Variants in PATJ observed in about 807,000 individuals in gnomAD.
PATJ encodes inaD-like protein.
Under a neutral mutation model 224.9 loss-of-function variants are expected in PATJ, and 190 were observed. The observed-to-expected ratio is 0.84, with a 90% CI of 0.75 to 0.95. PATJ has a LOEUF of 0.95. PATJ is among the 40% of genes least tolerant of loss of function. PATJ has a pLI of 0.00. For synonymous variants in PATJ, 769 were observed against 820.3 expected, an observed-to-expected ratio of 0.94 and a Z score of 1.07; for missense variants, 2,121 against 2,270.3, an observed-to-expected ratio of 0.93 and a Z score of 1.34.
At chr1:62,068,594 A>C in intron 31 of PATJ, among the ~76,000 whole-genome samples, 1 of 152,218 alleles carries the variant, frequency 6.6e-6, no homozygotes, top group Admixed American at 6.5e-5. Flanking sequence ...CCCTTGGACC[A>C]GTTACTGTGG....
At chr1:62,150,679 GAAAAAAAAAA>G (rs56167585) in intron 42 of PATJ, among the ~76,000 whole-genome samples, 41 of 82,008 alleles carry the variant, frequency 5.0e-4, no homozygotes, top group Non-Finnish European at 6.1e-4. Context: ...CCTGTCTCAA[GAAAAAAAAAA>G]AAAAAAAAAA....
At chr1:61,778,256 T>A (rs981007064) in intron 7 of PATJ, among the ~76,000 whole-genome samples, 4 of 152,132 alleles carry the variant, frequency 2.6e-5, no homozygotes, top group Admixed American at 2.6e-4. Flanking sequence ...CCTGAAGCGA[T>A]CTTCCTGCTT....
intron 20 of PATJ, among the ~76,000 whole-genome samples, chr1:61,873,907 G>T (rs1158265278): frequency 6.6e-6 from 1 of 152,184 alleles, no homozygotes; most frequent in Non-Finnish European, 1.5e-5. Flanking sequence ...GGGTGGCCCA[G>T]GTATTCAATT....
chr1:62,039,225 G>A (rs1490488584), intron 30 of PATJ: 3 of 390,930 alleles, frequency 7.7e-6, no homozygotes, highest in East Asian at 1.1e-4. Context: ...AATGTGCAGT[G>A]GGCACTTTTC....
intron 33 of PATJ, among the ~76,000 whole-genome samples, chr1:62,104,843 T>C (rs1471906709): frequency 6.6e-6 from 1 of 152,052 alleles, no homozygotes; most frequent in Non-Finnish European, 1.5e-5. Context: ...GGCTAATTTT[T>C]GTATTTTTAG....
At chr1:62,008,063 G>A (rs1410208269) in intron 28 of PATJ, among the ~76,000 whole-genome samples, 1 of 152,194 alleles carries the variant, frequency 6.6e-6, no homozygotes, top group Admixed American at 6.5e-5. Context: ...CCCTTCATCT[G>A]TGTGGCAGAA....
chr1:61,753,832 TTTATC>T (rs1645468183), intron 1 of PATJ, among the ~76,000 whole-genome samples: 1 of 151,044 alleles, frequency 6.6e-6, no homozygotes, highest in African/African-American at 2.4e-5. Flanking sequence ...TTATTAAGTT[TTTATC>T]TTAATCAGAT....
intron 38 of PATJ, 122 bp downstream of exon 38, chr1:62,121,417 C>T (rs1570689024): frequency 4.6e-6 from 3 of 656,376 alleles, no homozygotes; most frequent in African/African-American, 3.7e-5. Flanking sequence ...AGCTTGGCCA[C>T]ATAAGCTGAG....
At chr1:62,066,899 GGCCACAGGATCAGTTGAATCATGA>G (rs1230414177) in intron 31 of PATJ, among the ~76,000 whole-genome samples, 3 of 151,916 alleles carry the variant, frequency 2.0e-5, no homozygotes, top group Non-Finnish European at 4.4e-5. Flanking sequence ...CTCTGGGTGG[GGCCACAGGATCAGTTGAATCATGA>G]GTCACAAGTC....
At chr1:62,157,662 C>T (rs967622436) in intron 43 of PATJ, among the ~76,000 whole-genome samples, 1 of 147,968 alleles carries the variant, frequency 6.8e-6, no homozygotes, top group African/African-American at 2.4e-5. Flanking sequence ...AAAACCCCAT[C>T]TCTACAAAAT....
At chr1:62,159,955 C>T (rs1192756789) in intron 43 of PATJ, among the ~76,000 whole-genome samples, 1 of 152,092 alleles carries the variant, frequency 6.6e-6, no homozygotes, top group East Asian at 1.9e-4. Flanking sequence ...CACATGGACA[C>T]AGATCTCAGG....
intron 28 of PATJ, among the ~76,000 whole-genome samples, chr1:62,014,710 G>A (rs961813619): frequency 1.3e-5 from 2 of 151,632 alleles, no homozygotes; most frequent in African/African-American, 4.8e-5. Flanking sequence ...GGGACTACAG[G>A]TGCATGCCAC....
chr1:62,095,710 C>T (rs1401853208), intron 33 of PATJ, among the ~76,000 whole-genome samples: 2 of 152,088 alleles, frequency 1.3e-5, no homozygotes, highest in East Asian at 3.9e-4. Flanking sequence ...CCGGGAAAAG[C>T]AACAGTAGGA....
Position 62,029,304 on chromosome 1 carries a change from C to T in PATJ, c.3960-8673C>T, listed in dbSNP as rs557907242. On this transcript the variant is annotated intron_variant, in intron 29 of 43. Coordinates refer to ENST00000642238, the MANE Select transcript of PATJ (RefSeq NM_001350145.3). ...CATTCTACAAACATACACACACTGC[C>T]TGTTACATTAGATGTCTTATTTTTC... Among the ~76,000 whole-genome samples, 3 of 152,296 alleles carry T rather than the reference C, an allele frequency of 2.0e-5. No individual in the cohort carries two copies. In the East Asian group the frequency reaches 5.8e-4, roughly 29 times the overall value.
At chr1:61,934,124 GTTA>G (rs201871074) in intron 27 of PATJ, among the ~76,000 whole-genome samples, 6,410 of 149,472 alleles carry the variant, frequency 0.043, 502 homozygotes, top group African/African-American at 0.15. Flanking sequence ...TGTTGTTGTT[GTTA>G]TTGTTGTTGA....
chr1:62,080,809 A>G (rs1312342732), intron 32 of PATJ, among the ~76,000 whole-genome samples: 3 of 152,188 alleles, frequency 2.0e-5, no homozygotes, highest in African/African-American at 7.2e-5. Flanking sequence ...AGCAGGTACT[A>G]TTTTAAAGCA....
rs1337787175 is a variant in PATJ at position 61,908,473 on chromosome 1, C to T, written c.3483C>T (p.Ser1161=). Residue 1161 remains serine (S), a synonymous_variant, in exon 25 of 44, where the codon TCC becomes TCT. Transcript: ENST00000642238. ...TGTTCATTGTTCAGAGTTTGTCATC[C>T]ACTCCACGAGTAAGTTTTAGTTCAT... The part of the protein sequence containing the change: ...PVVFIVQSLS[S]TPRVIPNVHN... 1.9e-6 allele frequency: 3 copies of T among 1,607,582 alleles called. No individual in the cohort carries two copies. Among genetic ancestry groups the T allele is most frequent in the Non-Finnish European group, 2.6e-6 (3 of 1,174,166 alleles).
chr1:62,036,819 C>T (rs188875399), intron 29 of PATJ, among the ~76,000 whole-genome samples: 1 of 124,920 alleles, frequency 8.0e-6, no homozygotes, highest in African/African-American at 3.0e-5. Context: ...CTGCAGTGAG[C>T]TGAGGTTGTG....
intron 30 of PATJ, among the ~76,000 whole-genome samples, chr1:62,040,329 G>A (rs1262006485): frequency 1.3e-5 from 2 of 151,858 alleles, no homozygotes; most frequent in Non-Finnish European, 2.9e-5. Flanking sequence ...GGCTGGTCTC[G>A]AACTCCTGAC....
Sources: allele counts gnomAD v4.1 joint callset (sites outside exome capture counted in the v4.1 genomes callset), GRCh38; gene constraint gnomAD v4.1.1; transcripts MANE v1.5; gene names NCBI Gene and HGNC (gene_info 2026-07-23, HGNC 2026-07-21).